Variants in NEURL1 observed in about 807,000 individuals in gnomAD.
NEURL1 encodes E3 ubiquitin-protein ligase NEURL1.
A neutral mutation model predicts 41.2 loss-of-function variants in NEURL1; 26 were observed. That is an observed-to-expected ratio of 0.63 (90% confidence interval 0.46 to 0.87). NEURL1 has a LOEUF of 0.87. Among genes scored for constraint, NEURL1 ranks in the 40% least tolerant of loss-of-function variants. The pLI, the probability that NEURL1 is intolerant of heterozygous loss-of-function variation, is 0.00. For synonymous variants in NEURL1, 400 were observed against 402.3 expected (o/e 0.99, Z 0.07); for missense variants, 761 against 871.1 (o/e 0.87, Z 1.59).
chr10:103,502,505 C>T (rs1393816419), intron 1 of NEURL1, among the ~76,000 whole-genome samples: 2 of 152,152 alleles, frequency 1.3e-5, no homozygotes, highest in South Asian at 2.1e-4. Flanking sequence ...ATTATAAAGC[C>T]GCTAATCCTA....
intron 3 of NEURL1, among the ~76,000 whole-genome samples, chr10:103,581,780 G>T (rs1592240304): frequency 1.3e-5 from 2 of 152,302 alleles, no homozygotes; most frequent in African/African-American, 4.8e-5. Context: ...TCTAAGAGGT[G>T]GGAAGGTGTG....
At chr10:103,514,863 G>A (rs1053727205) in intron 1 of NEURL1, among the ~76,000 whole-genome samples, 1 of 151,534 alleles carries the variant, frequency 6.6e-6, no homozygotes, top group Non-Finnish European at 1.5e-5. Flanking sequence ...CCAGCCTTGG[G>A]GCTCTCTCTG....
chr10:103,576,065 G>A (rs2035656475), intron 3 of NEURL1, among the ~76,000 whole-genome samples: 1 of 152,204 alleles, frequency 6.6e-6, no homozygotes, highest in African/African-American at 2.4e-5. Context: ...GGAGACAGAA[G>A]AATCAAAAAC....
chr10:103,522,148 G>T (rs2133855304), intron 1 of NEURL1, among the ~76,000 whole-genome samples: 1 of 152,242 alleles, frequency 6.6e-6, no homozygotes, highest in East Asian at 1.9e-4. Flanking sequence ...ATCAGTTAAG[G>T]CAAGAACTGG....
chr10:103,506,036 A>AC (rs1171991434), intron 1 of NEURL1, among the ~76,000 whole-genome samples: 3 of 152,156 alleles, frequency 2.0e-5, no homozygotes, highest in Non-Finnish European at 4.4e-5. Context: ...CTGCTGGCTT[A>AC]CCCAGATGGC....
chr10:103,589,748 G>A, intron 5 of NEURL1, 88 bp downstream of exon 5: 1 of 1,509,572 alleles, frequency 6.6e-7, no homozygotes, highest in Non-Finnish European at 8.9e-7. Flanking sequence ...GGAGTGGAGA[G>A]GAGCTGGAGT....
At chr10:103,541,297 C>T (rs1265611971) in intron 1 of NEURL1, among the ~76,000 whole-genome samples, 1 of 151,958 alleles carries the variant, frequency 6.6e-6, no homozygotes, top group Non-Finnish European at 1.5e-5. Flanking sequence ...AGGGGAAATG[C>T]CTGTGTGAAG....
intron 1 of NEURL1, among the ~76,000 whole-genome samples, chr10:103,532,743 T>C (rs2034597378): frequency 6.6e-6 from 1 of 151,978 alleles, no homozygotes; most frequent in African/African-American, 2.4e-5. Context: ...ACTTTCTGTA[T>C]CTTTGACTTT....
chr10:103,571,454 T>C, intron 2 of NEURL1, 47 bp from the exon 3 acceptor site: 1 of 1,545,280 alleles, frequency 6.5e-7, no homozygotes, highest in Middle Eastern at 1.8e-4. Flanking sequence ...CTTGGTCTGA[T>C]TGACCAAGTG....
At position 103,512,046 on chromosome 10, in the gene NEURL1, C is replaced by A. The variant is rs2034084251; in HGVS notation, c.85+17574C>A. On this transcript the variant is annotated intron_variant, in intron 1 of 5. Coordinates refer to ENST00000369780, the MANE Select transcript of NEURL1 (RefSeq NM_004210.5). ...GGAACCATTGCTTCATTCATTCATT[C>A]ATTCATTGATGGCACAGATGTTCTT... 2.0e-5 allele frequency: 3 copies of A among 152,354 alleles called. No homozygotes were observed. In the South Asian group the frequency reaches 6.2e-4, roughly 32 times the overall value. The allele number at this position is 152,354 out of a possible 1,614,324, so 9.4% of individuals were successfully genotyped here. A position where few individuals can be genotyped will look rare whatever the true frequency, so the allele number is the denominator to read the frequency against.
chr10:103,509,788 G>T (rs189878196), intron 1 of NEURL1, among the ~76,000 whole-genome samples: 265 of 152,246 alleles, frequency 1.7e-3, no homozygotes, highest in African/African-American at 5.3e-3. Context: ...TGGTATTTTG[G>T]GGTGAAGGTG....
At chr10:103,527,635 A>G (rs1405371254) in intron 1 of NEURL1, among the ~76,000 whole-genome samples, 1 of 152,000 alleles carries the variant, frequency 6.6e-6, no homozygotes, top group Non-Finnish European at 1.5e-5. Context: ...CGTGACTTGT[A>G]TCTTGTGATT....
chr10:103,555,677 C>A (rs1183070855), intron 1 of NEURL1, among the ~76,000 whole-genome samples: 1 of 151,376 alleles, frequency 6.6e-6, no homozygotes, highest in Non-Finnish European at 1.5e-5. Flanking sequence ...AGCTGAGGCT[C>A]CCCACAAAGT....
Position 103,558,503 on chromosome 10 carries a change from C to CTGTGTGTGTGTGTG in NEURL1, c.86-12337_86-12324dup, listed in dbSNP as rs3068767. ...GTGGTACTCTGTGCCTGTGCCATGC[C>CTGTGTGTGTGTGTG]TGTGTGTGTGTGTGTGTGTGTGTGT... On this transcript the variant is annotated intron_variant, in intron 1 of 5. Coordinates refer to ENST00000369780, the MANE Select transcript of NEURL1 (RefSeq NM_004210.5). This position sits in a 1 kb window ranked among gnomAD's most constrained non-coding sequence, Gnocchi z 4.2. Among the ~76,000 whole-genome samples, 1 of 131,924 alleles carries CTGTGTGTGTGTGTG rather than the reference C, an allele frequency of 7.6e-6. No individual in the cohort carries two copies. The highest frequency in any genetic ancestry group is 2.9e-5 in the African/African-American group (1 of 34,124). 86.5% of individuals were successfully genotyped at this position (131,924 alleles called of 152,430 possible). A position where few individuals can be genotyped will look rare whatever the true frequency, so the allele number is the denominator to read the frequency against.
At chr10:103,587,827 A>C (rs2035953125) in intron 4 of NEURL1, among the ~76,000 whole-genome samples, 1 of 152,262 alleles carries the variant, frequency 6.6e-6, no homozygotes. Flanking sequence ...ATTAACTTGG[A>C]AAAATATTAA....
intron 1 of NEURL1, among the ~76,000 whole-genome samples, chr10:103,522,397 T>C (rs2034370361): frequency 2.6e-5 from 4 of 151,200 alleles, no homozygotes; most frequent in African/African-American, 9.7e-5. Flanking sequence ...CACCTGAGGT[T>C]GGGAGTTCGA....
intron 1 of NEURL1, among the ~76,000 whole-genome samples, chr10:103,552,344 C>T (rs748744120): frequency 4.6e-5 from 7 of 152,180 alleles, no homozygotes; most frequent in African/African-American, 1.2e-4. Context: ...CATCCTGGCT[C>T]GGCAATGGAG....
At chr10:103,581,280 C>T (rs929379280) in intron 3 of NEURL1, among the ~76,000 whole-genome samples, 7 of 152,186 alleles carry the variant, frequency 4.6e-5, no homozygotes, top group African/African-American at 1.2e-4. Context: ...AGACCTGGAT[C>T]ACCCCAAAGC....
intron 1 of NEURL1, among the ~76,000 whole-genome samples, chr10:103,521,062 C>T (rs1015802833): frequency 6.6e-6 from 1 of 152,122 alleles, no homozygotes; most frequent in East Asian, 1.9e-4. Flanking sequence ...AGTTTTTGGG[C>T]TCTATCCTGG....
Sources: gnomAD v4.1 joint callset for allele counts (sites outside exome capture counted in the v4.1 genomes callset) on GRCh38, gnomAD v4.1.1 for gene constraint, Gnocchi (gnomAD v3.1) non-coding constraint, MANE v1.5 for transcripts, NCBI Gene and HGNC (gene_info 2026-07-23, HGNC 2026-07-21) for gene names.